The following PDCD2 variants were observed in gnomAD, a reference collection of about 807,000 sequenced individuals.
PDCD2 encodes uS5 assembly chaperone PDCD2.
A neutral mutation model predicts 38.1 loss-of-function variants in PDCD2; 38 were observed. The observed-to-expected ratio is 1.00, with a 90% CI of 0.77 to 1.31. PDCD2 has a LOEUF of 1.31. PDCD2 is among the 50% of genes most tolerant of loss of function. PDCD2 has a pLI of 0.00. For synonymous variants in PDCD2, 205 were observed against 168.9 expected (o/e 1.21, Z -1.66); for missense variants, 473 against 435.7 (o/e 1.09, Z -0.76).
chr6:170,582,375 T>C (rs1271701697), intron 3 of PDCD2: 2 of 1,522,804 alleles, frequency 1.3e-6, no homozygotes, highest in Non-Finnish European at 1.8e-6. Context: ...TTTGAGTCTA[T>C]AAATCTAATT....
In PDCD2 at chr6:170,577,575, A is replaced by G; in HGVS notation, c.1019T>C (p.Val340Ala). Residue 340 changes from valine to alanine, a missense_variant, in exon 6 of 6, where the codon GTA becomes GCA. Physicochemically the swap from Val to Ala is moderately conservative, Grantham distance 64. Coordinates refer to ENST00000541970, the MANE Select transcript of PDCD2 (RefSeq NM_002598.4). ...YTEEFVWKQDVTDTP is the reference protein window; with the variant it reads ...YTEEFVWKQDATDTP ...AAGATGCCTTTACGGTGTATCTGTT[A>G]CATCCTGCTTCCACACAAATTCTTC... 6.2e-7 allele frequency: 1 copy of G among 1,614,036 alleles called. No individual in the cohort carries two copies. The highest frequency in any genetic ancestry group is 8.5e-7 in the Non-Finnish European group (1 of 1,179,932).
In PDCD2 at chr6:170,577,438, C is replaced by G; in HGVS notation, c.*121G>C. ...CACTAATAAGTAGACACTGTGTAAG[C>G]AATCTGTCAACATCTCTGCACCTCT... On this transcript the variant is annotated 3_prime_UTR_variant, in exon 6 of 6. Transcript: ENST00000541970. 1 of 804,484 alleles carries G rather than the reference C, an allele frequency of 1.2e-6. No homozygotes were observed. The highest frequency in any genetic ancestry group is 1.7e-5 in the African/African-American group (1 of 58,184). The allele number at this position is 804,484 out of a possible 1,614,324, so 49.8% of individuals were successfully genotyped here.
At chr6:170,579,843 C>T in intron 4 of PDCD2, 159 bp downstream of exon 4, 1 of 575,556 alleles carries the variant, frequency 1.7e-6, no homozygotes, top group South Asian at 2.2e-5. Context: ...TCTACATGGC[C>T]CATCTGTGTG....
In PDCD2 at chr6:170,579,007, C is replaced by G. The variant is rs1419360742; in HGVS notation, c.763-37G>C. ...GAAGATCATGTTCAAATAATCAATA[C>G]CTTACCTATAAGTTGCCAATGGTAA... On this transcript the variant is annotated intron_variant, in intron 4 of 5. Coordinates refer to ENST00000541970, the MANE Select transcript of PDCD2 (RefSeq NM_002598.4). 3.8e-6 allele frequency: 5 copies of G among 1,299,352 alleles called. No homozygotes were observed. The Admixed American group carries it at 6.2e-5, about 16-fold the overall frequency. 80.5% of individuals were successfully genotyped at this position (1,299,352 alleles called of 1,614,324 possible). A position where few individuals can be genotyped will look rare whatever the true frequency, so the allele number is the denominator to read the frequency against.
rs188661022 is a variant in PDCD2 at position 170,577,570 on chromosome 6, C to G, written c.1024G>C (p.Asp342His). The G allele has an allele frequency of 8.1e-6, 13 of 1,613,896 alleles. No individual in the cohort carries two copies. The Admixed American group carries it at 1.3e-4, about 17-fold the overall frequency. The change falls in exon 6 of 6, where the codon GAT becomes CAT. Residue 342 changes from aspartate (D) to histidine (H), a missense_variant. Physicochemically the swap from Asp to His is moderately conservative, Grantham distance 81. Coordinates refer to ENST00000541970, the MANE Select transcript of PDCD2 (RefSeq NM_002598.4). Reference sequence around the variant, plus strand: ...GCTTTAAGATGCCTTTACGGTGTATCTGTTACATCCTGCTTCCACACAAAT... The same window carrying G: ...GCTTTAAGATGCCTTTACGGTGTATGTGTTACATCCTGCTTCCACACAAAT... ...EEFVWKQDVT[D>H]TP
At chr6:170,582,936 T>C (rs2115017121) in intron 3 of PDCD2, 121 bp downstream of exon 3, 10 of 1,497,738 alleles carry the variant, frequency 6.7e-6, no homozygotes, top group Middle Eastern at 5.1e-4. Context: ...TATCTGAAAA[T>C]TGTATGCTAC....
chr6:170,583,754 A>T lies in PDCD2; in HGVS notation c.284-7T>A. The T allele has an allele frequency of 6.3e-7, 1 of 1,599,164 alleles. No individual in the cohort carries two copies. Among genetic ancestry groups the T allele is most frequent in the Non-Finnish European group, 8.6e-7 (1 of 1,169,068 alleles). On this transcript the variant is annotated splice_polypyrimidine_tract_variant and splice_region_variant and intron_variant, in intron 1 of 5. Transcript: ENST00000541970. The stretch of plus-strand genomic sequence containing the variant: ...GGTAGTTGATTCCTAAAAACTAAAA[A>T]AGAATACAGAGAAAAGTTTTATCTT...
At chr6:170,582,012 C>T in intron 3 of PDCD2, 1 of 1,132,290 alleles carries the variant, frequency 8.8e-7, no homozygotes, top group Non-Finnish European at 1.2e-6. Flanking sequence ...CAGCTTTCAT[C>T]CTTGATCCTG....
At position 170,578,783 on chromosome 6, in the gene PDCD2, C is replaced by T. The variant is rs1250463205; in HGVS notation, c.876+74G>A. Reference sequence around the variant, plus strand: ...CATGTTGACCCATGTGCACAAATTACCTTGGTGAAGTTTTTAATGTTTAAA... The same window carrying T: ...CATGTTGACCCATGTGCACAAATTATCTTGGTGAAGTTTTTAATGTTTAAA... On this transcript the variant is annotated intron_variant, in intron 5 of 5. Coordinates refer to ENST00000541970, the MANE Select transcript of PDCD2 (RefSeq NM_002598.4). The T allele has an allele frequency of 4.3e-6, 4 of 941,046 alleles. No individual in the cohort carries two copies. The African/African-American group carries it at 6.5e-5, about 15-fold the overall frequency. The allele number at this position is 941,046 out of a possible 1,614,324, so 58.3% of individuals were successfully genotyped here. A position where few individuals can be genotyped will look rare whatever the true frequency, so the allele number is the denominator to read the frequency against.
intron 1 of PDCD2, 116 bp from the exon 2 acceptor site, chr6:170,583,863 C>T: frequency 1.1e-6 from 1 of 870,546 alleles, no homozygotes; most frequent in African/African-American, 1.7e-5. Context: ...AAAGTTTTTG[C>T]TTTCAGGAAT....
At position 170,577,629 on chromosome 6, in the gene PDCD2, T is replaced by C. The variant is rs373713795; in HGVS notation, c.965A>G (p.Glu322Gly). ...WGILAVFTCA[E>G]SCSLGTGYTE... is the part of the protein sequence containing the mutation. ...ATAGCCAGTACCCAAGCTGCAGCTC[T>C]CAGCACAGGTGAAGACAGCCAGGAT... The change falls in exon 6 of 6, where the codon GAG becomes GGG. Residue 322 changes from glutamate (E) to glycine (G), a missense_variant. Physicochemically the swap from Glu to Gly is moderately conservative, Grantham distance 98. Transcript: ENST00000541970. 4.0e-5 allele frequency: 65 copies of C among 1,613,992 alleles called. 1 individual carries two copies. In the East Asian group the frequency reaches 1.4e-3, roughly 34 times the overall value.
rs1779474877 is a variant in PDCD2 at position 170,577,401 on chromosome 6, ACACTTTTGTTT to A, written c.*147_*157del. 1.6e-6 allele frequency: 1 copy of A among 620,662 alleles called. No individual in the cohort carries two copies. The highest frequency in any genetic ancestry group is 1.8e-5 in the African/African-American group (1 of 54,182). 38.4% of individuals were successfully genotyped at this position (620,662 alleles called of 1,614,324 possible). ...AATTTATTTAATTCCCTGTCACTGG[ACACTTTTGTTT>A]CACTAATAAGTAGACACTGTGTAAG... On this transcript the variant is annotated 3_prime_UTR_variant, in exon 6 of 6. Coordinates refer to ENST00000541970, the MANE Select transcript of PDCD2 (RefSeq NM_002598.4).
At position 170,584,500 on chromosome 6, in the gene PDCD2, G is replaced by T; in HGVS notation, c.82C>A (p.Pro28Thr). The T allele has an allele frequency of 7.4e-7, 1 of 1,357,118 alleles. No individual in the cohort carries two copies. The allele number at this position is 1,357,118 out of a possible 1,614,324, so 84.1% of individuals were successfully genotyped here. A position where few individuals can be genotyped will look rare whatever the true frequency, so the allele number is the denominator to read the frequency against. The change falls in exon 1 of 6, where the codon CCC becomes ACC. Residue 28 changes from proline (P) to threonine (T), a missense_variant. By Grantham distance (38) the Pro-to-Thr change is conservative. Transcript: ENST00000541970. ...GCCGGCCGCCCGCCCACCTTGCTGG[G>T]GAACTGCTCGCTGCGCAGTCGCCAC... ...PAWRLRSEQF[P>T]SKVGGRPAWL... is the part of the protein sequence containing the mutation.
intron 4 of PDCD2, 144 bp from the exon 5 acceptor site, chr6:170,579,114 G>T: frequency 1.7e-6 from 1 of 588,148 alleles, no homozygotes; most frequent in Non-Finnish European, 3.0e-6. Flanking sequence ...CATCAGACCT[G>T]GCTGTACCAG....
intron 3 of PDCD2, chr6:170,582,801 C>T: frequency 7.7e-7 from 1 of 1,303,696 alleles, no homozygotes; most frequent in South Asian, 2.3e-5. Flanking sequence ...ACCAAGCCTC[C>T]AGCATCTTGT....
At chr6:170,579,923 T>C in intron 4 of PDCD2, 79 bp downstream of exon 4, 1 of 794,598 alleles carries the variant, frequency 1.3e-6, no homozygotes, top group Non-Finnish European at 2.2e-6. Context: ...AATGTTACTA[T>C]GAAGTTATTT....
chr6:170,575,845 A>G lies in PDCD2; in HGVS notation c.*1714T>C, dbSNP rs1005060310. ...AAATACCTGCAAGAATGTCCACATC[A>G]TCTGGTGATGTCCCCAAATAACAGT... On this transcript the variant is annotated 3_prime_UTR_variant, in exon 6 of 6. Transcript: ENST00000541970. The G allele has an allele frequency of 6.6e-6, 1 of 152,230 alleles. No homozygotes were observed. Among genetic ancestry groups the G allele is most frequent in the African/African-American group, 2.4e-5 (1 of 41,460 alleles). The allele number at this position is 152,230 out of a possible 1,614,324, so 9.4% of individuals were successfully genotyped here.
At position 170,580,127 on chromosome 6, in the gene PDCD2, T is replaced by C. The variant is rs776705455; in HGVS notation, c.659-22A>G. The C allele has an allele frequency of 6.3e-6, 9 of 1,426,176 alleles. No homozygotes were observed. The African/African-American group carries it at 1.1e-4, about 18-fold the overall frequency. 88.3% of individuals were successfully genotyped at this position (1,426,176 alleles called of 1,614,324 possible). On this transcript the variant is annotated intron_variant, in intron 3 of 5. Coordinates refer to ENST00000541970, the MANE Select transcript of PDCD2 (RefSeq NM_002598.4). The stretch of plus-strand genomic sequence containing the variant: ...TCACCTGAAAAATCAACGTAACTAT[T>C]ATGAAAAACAGGAGTAATCCCCACA...
rs1324715003 is a variant in PDCD2, at chr6:170,576,254, G to A, written c.*1305C>T. 1 of 152,202 alleles carries A rather than the reference G, an allele frequency of 6.6e-6. No individual in the cohort carries two copies. Among genetic ancestry groups the A allele is most frequent in the Non-Finnish European group, 1.5e-5 (1 of 68,046 alleles). The allele number at this position is 152,202 out of a possible 1,614,324, so 9.4% of individuals were successfully genotyped here. On this transcript the variant is annotated 3_prime_UTR_variant, in exon 6 of 6. Transcript: ENST00000541970. ...TATACAATTAATACAAATTGCATAT[G>A]TATACTTATATAATATGGACTACTA...
Sources: gnomAD v4.1 joint callset for allele counts on GRCh38, gnomAD v4.1.1 for gene constraint, MANE v1.5 for transcripts, NCBI Gene and HGNC (gene_info 2026-07-23, HGNC 2026-07-21) for gene names.